Variants in TMTC1 observed in about 807,000 individuals in gnomAD.
TMTC1 encodes protein O-mannosyl-transferase TMTC1.
A neutral mutation model predicts 104.8 loss-of-function variants in TMTC1; 73 were observed. The ratio of observed to expected loss-of-function variants is 0.70; its 90% CI spans 0.58 to 0.85. The LOEUF (loss-of-function observed/expected upper bound fraction) is 0.85. TMTC1 is among the 40% of genes least tolerant of loss of function. The pLI, the probability that TMTC1 is intolerant of heterozygous loss-of-function variation, is 0.00. For missense variants in TMTC1, 1,035 were observed against 1,096.1 expected, an observed-to-expected ratio of 0.94 and a Z score of 0.79; for synonymous variants, 434 against 428.7, an observed-to-expected ratio of 1.01 and a Z score of -0.15.
chr12:29,509,173 A>G (rs894350689), intron 17 of TMTC1, among the ~76,000 whole-genome samples: 2 of 152,176 alleles, frequency 1.3e-5, no homozygotes, highest in African/African-American at 2.4e-5. Flanking sequence ...GGACAGCACC[A>G]TTCTAGAAAA....
chr12:29,748,479 A>G (rs551357289), intron 5 of TMTC1, among the ~76,000 whole-genome samples: 14 of 152,338 alleles, frequency 9.2e-5, no homozygotes, highest in Non-Finnish European at 2.1e-4. Flanking sequence ...GCTTTAGAGC[A>G]CAGTAAATGG....
At chr12:29,689,367 T>A (rs765412960) in intron 5 of TMTC1, among the ~76,000 whole-genome samples, 13 of 151,868 alleles carry the variant, frequency 8.6e-5, no homozygotes, top group Non-Finnish European at 1.6e-4. Flanking sequence ...GAGGCTGGAG[T>A]GCAGTGGCAT....
chr12:29,564,418 G>T (rs1313388002), intron 9 of TMTC1, among the ~76,000 whole-genome samples: 1 of 152,118 alleles, frequency 6.6e-6, no homozygotes, highest in Non-Finnish European at 1.5e-5. Context: ...TCCATTAAGG[G>T]TTGGTGGAGG....
chr12:29,742,273 T>A (rs1942846524), intron 5 of TMTC1, among the ~76,000 whole-genome samples: 1 of 152,196 alleles, frequency 6.6e-6, no homozygotes, highest in South Asian at 2.1e-4. Flanking sequence ...ATTATTTATT[T>A]ATTTTTCCAA....
intron 5 of TMTC1, among the ~76,000 whole-genome samples, chr12:29,720,141 G>A (rs1161028423): frequency 6.6e-6 from 1 of 152,208 alleles, no homozygotes; most frequent in Non-Finnish European, 1.5e-5. Context: ...ATGCTATCAT[G>A]TTTGAACTCC....
At chr12:29,710,620 ATTTATATT>A (rs928962895) in intron 5 of TMTC1, among the ~76,000 whole-genome samples, 7 of 142,394 alleles carry the variant, frequency 4.9e-5, no homozygotes, top group African/African-American at 1.8e-4. Context: ...TTATATTTAT[ATTTATATT>A]TTTATATTTA....
intron 8 of TMTC1, 52 bp downstream of exon 8, chr12:29,583,355 G>A (rs986764185): frequency 1.9e-5 from 30 of 1,552,826 alleles, no homozygotes; most frequent in African/African-American, 5.5e-5. Flanking sequence ...GAAACAATTT[G>A]TAAGCAAAGA....
intron 11 of TMTC1, among the ~76,000 whole-genome samples, chr12:29,523,293 G>T (rs968930282): frequency 6.6e-6 from 1 of 152,256 alleles, no homozygotes; most frequent in African/African-American, 2.4e-5. Context: ...CTTTGCCACT[G>T]CCATGTGGTC....
Position 29,578,651 on chromosome 12 carries a change from C to A in TMTC1, c.1418+4756G>T, listed in dbSNP as rs375297168. Among the ~76,000 whole-genome samples the A allele has an allele frequency of 3.3e-5, 5 of 152,102 alleles. No individual in the cohort carries two copies. The East Asian group carries it at 9.6e-4, about 29-fold the overall frequency. Reference sequence around the variant, plus strand: ...CCCTCACACCTTTTATTGTGGAAGACTTGATAAATAACAAAAAAGCTACTT... The same window carrying A: ...CCCTCACACCTTTTATTGTGGAAGAATTGATAAATAACAAAAAAGCTACTT... On this transcript the variant is annotated intron_variant, in intron 8 of 17. Transcript: ENST00000539277.
chr12:29,770,633 C>A (rs2120540551), intron 1 of TMTC1, among the ~76,000 whole-genome samples: 1 of 152,234 alleles, frequency 6.6e-6, no homozygotes, highest in African/African-American at 2.4e-5. Context: ...GGAGTCCCCG[C>A]AGTAATGACA....
At chr12:29,652,375 A>G (rs897971762) in intron 5 of TMTC1, among the ~76,000 whole-genome samples, 1 of 152,226 alleles carries the variant, frequency 6.6e-6, no homozygotes, top group Non-Finnish European at 1.5e-5. Context: ...TTTCAAGCCT[A>G]TCACTGCACT....
intron 10 of TMTC1, among the ~76,000 whole-genome samples, chr12:29,545,676 C>CACGCACACACACACAG (rs1555167547): frequency 7.3e-6 from 1 of 137,850 alleles, no homozygotes; most frequent in Non-Finnish European, 1.6e-5. Context: ...CACACACACA[C>CACGCACACACACACAG]GGATAGAAAC....
intron 16 of TMTC1, among the ~76,000 whole-genome samples, chr12:29,513,011 A>T (rs1943882813): frequency 6.6e-6 from 1 of 152,216 alleles, no homozygotes; most frequent in East Asian, 1.9e-4. Context: ...GGAAAGAAAG[A>T]AATGTTATGA....
intron 3 of TMTC1, among the ~76,000 whole-genome samples, chr12:29,758,439 C>T (rs141735315): frequency 6.6e-6 from 1 of 152,130 alleles, no homozygotes; most frequent in African/African-American, 2.4e-5. Context: ...TAAGAAACTA[C>T]AAGTAAAAGG....
intron 5 of TMTC1, among the ~76,000 whole-genome samples, chr12:29,648,958 G>A (rs1939395641): frequency 6.6e-6 from 1 of 152,020 alleles, no homozygotes; most frequent in Non-Finnish European, 1.5e-5. Flanking sequence ...GCCATATGGG[G>A]CCCGCAGCTC....
At chr12:29,737,361 A>G (rs1352648724) in intron 5 of TMTC1, among the ~76,000 whole-genome samples, 2 of 152,188 alleles carry the variant, frequency 1.3e-5, no homozygotes, top group African/African-American at 2.4e-5. Flanking sequence ...TCTACTAAAA[A>G]TACGAAATTA....
Position 29,767,884 on chromosome 12 carries a change from C to T in TMTC1, c.480+14G>A, listed in dbSNP as rs1324001063. The stretch of plus-strand genomic sequence containing the variant: ...TTCATATTCGTTATTTCACTGAGAT[C>T]CAATTACACTTACCGCCTCAGTATG... On this transcript the variant is annotated intron_variant, in intron 2 of 17. Transcript: ENST00000539277. 1.9e-6 allele frequency: 3 copies of T among 1,612,126 alleles called. No individual in the cohort carries two copies. Among genetic ancestry groups the T allele is most frequent in the Non-Finnish European group, 1.7e-6 (2 of 1,178,890 alleles).
chr12:29,669,829 G>A (rs925674111), intron 5 of TMTC1, among the ~76,000 whole-genome samples: 3 of 152,136 alleles, frequency 2.0e-5, no homozygotes, highest in African/African-American at 4.8e-5. Flanking sequence ...AGAGCTTTTC[G>A]ATTCATTCTA....
At chr12:29,656,679 T>C (rs988999934) in intron 5 of TMTC1, among the ~76,000 whole-genome samples, 20 of 152,188 alleles carry the variant, frequency 1.3e-4, no homozygotes, top group African/African-American at 4.8e-4. Flanking sequence ...TTTTTATTAA[T>C]TGAACTGCCT....
Sources: gnomAD v4.1 joint callset for allele counts (sites outside exome capture counted in the v4.1 genomes callset) on GRCh38, gnomAD v4.1.1 for gene constraint, MANE v1.5 for transcripts, NCBI Gene and HGNC (gene_info 2026-07-23, HGNC 2026-07-21) for gene names.